Variants in UNC5D observed in about 807,000 individuals in gnomAD.
UNC5D encodes the protein netrin receptor UNC5D.
A neutral mutation model predicts 105.4 loss-of-function variants in UNC5D; 39 were observed. The observed-to-expected ratio is 0.37, with a 90% CI of 0.29 to 0.48. The LOEUF (loss-of-function observed/expected upper bound fraction) is 0.48, where lower values mean the gene tolerates loss of function less well. Ranked by LOEUF, UNC5D falls within the 20% of genes least tolerant of loss-of-function variation. UNC5D has a pLI of 0.98. For synonymous variants in UNC5D, 452 were observed against 450.4 expected (o/e 1.00, Z -0.04); for missense variants, 991 against 1,202.4 (o/e 0.82, Z 2.60).
chr8:35,753,802 ACTTTT>A (rs1830395004), intron 13 of UNC5D, among the ~76,000 whole-genome samples: 1 of 152,170 alleles, frequency 6.6e-6, no homozygotes, highest in South Asian at 2.1e-4. Context: ...TGCTTGAATA[ACTTTT>A]CTGGCCCACA....
At chr8:35,677,440 T>C (rs556906812) in intron 4 of UNC5D, among the ~76,000 whole-genome samples, 21 of 152,152 alleles carry the variant, frequency 1.4e-4, no homozygotes, top group South Asian at 8.3e-4. Context: ...CCCAGGAACA[T>C]TGGAGTTTGC....
chr8:35,331,135 A>C (rs1454215327), intron 1 of UNC5D, among the ~76,000 whole-genome samples: 1 of 152,166 alleles, frequency 6.6e-6, no homozygotes, highest in Non-Finnish European at 1.5e-5. Flanking sequence ...AGACAGGAAA[A>C]AGAGGAAGAT....
intron 3 of UNC5D, among the ~76,000 whole-genome samples, chr8:35,577,088 T>A (rs916759530): frequency 3.3e-5 from 5 of 152,204 alleles, no homozygotes; most frequent in African/African-American, 1.2e-4. Context: ...GAAAATTAAA[T>A]TTTTTTCAGA....
intron 1 of UNC5D, among the ~76,000 whole-genome samples, chr8:35,364,284 G>C (rs1348969867): frequency 6.6e-6 from 1 of 152,004 alleles, no homozygotes; most frequent in Non-Finnish European, 1.5e-5. Context: ...ATTAGCATGA[G>C]CTCATGGATT....
chr8:35,701,852 C>T (rs1457058416), intron 7 of UNC5D, among the ~76,000 whole-genome samples: 2 of 150,176 alleles, frequency 1.3e-5, no homozygotes, highest in African/African-American at 2.4e-5. Context: ...GTGGTTATCC[C>T]TTGGTGCTGG....
intron 1 of UNC5D, among the ~76,000 whole-genome samples, chr8:35,511,839 T>G (rs1353969318): frequency 6.6e-6 from 1 of 152,100 alleles, no homozygotes; most frequent in East Asian, 1.9e-4. Flanking sequence ...ATGGAGTAGG[T>G]TGGATGTGCT....
intron 1 of UNC5D, among the ~76,000 whole-genome samples, chr8:35,526,699 A>G (rs889548913): frequency 1.3e-5 from 2 of 152,100 alleles, no homozygotes; most frequent in African/African-American, 4.8e-5. Flanking sequence ...ATTTTCTGCC[A>G]TCTAAGAAAT....
chr8:35,260,897 A>G (rs1804445244), intron 1 of UNC5D, among the ~76,000 whole-genome samples: 1 of 152,184 alleles, frequency 6.6e-6, no homozygotes, highest in African/African-American at 2.4e-5. Flanking sequence ...GGTTCCAAGA[A>G]GGCACTCAGG....
chr8:35,612,519 C>T (rs1278227418), intron 4 of UNC5D, among the ~76,000 whole-genome samples: 2 of 152,004 alleles, frequency 1.3e-5, no homozygotes. Flanking sequence ...CTTAGCAGCT[C>T]ACTACTTCTT....
intron 2 of UNC5D, among the ~76,000 whole-genome samples, chr8:35,552,821 C>T (rs748189836): frequency 5.3e-5 from 8 of 152,034 alleles, no homozygotes; most frequent in Non-Finnish European, 8.8e-5. Flanking sequence ...GTCTCACTTA[C>T]GTTGACATTA....
chr8:35,403,476 G>T (rs960225888), intron 1 of UNC5D, among the ~76,000 whole-genome samples: 1 of 152,242 alleles, frequency 6.6e-6, no homozygotes, highest in Non-Finnish European at 1.5e-5. Context: ...TAAAATGGAA[G>T]AAAGTGCAAA....
At chr8:35,615,627 AT>A (rs1256683315) in intron 4 of UNC5D, among the ~76,000 whole-genome samples, 2 of 151,970 alleles carry the variant, frequency 1.3e-5, no homozygotes, top group Admixed American at 1.3e-4. Context: ...TAAGGACAGC[AT>A]TTTTTTCCCT....
At chr8:35,600,504 G>A (rs548460520) in intron 4 of UNC5D, among the ~76,000 whole-genome samples, 25 of 152,280 alleles carry the variant, frequency 1.6e-4, no homozygotes, top group African/African-American at 3.9e-4. Flanking sequence ...TCTAACTGGC[G>A]TGAGATTCTA....
intron 2 of UNC5D, among the ~76,000 whole-genome samples, chr8:35,564,716 C>A (rs1817209217): frequency 6.6e-6 from 1 of 152,082 alleles, no homozygotes; most frequent in Non-Finnish European, 1.5e-5. Context: ...ACATTGTACC[C>A]CATAAGTAGT....
At chr8:35,481,648 G>A (rs1810491451) in intron 1 of UNC5D, among the ~76,000 whole-genome samples, 2 of 152,244 alleles carry the variant, frequency 1.3e-5, no homozygotes, top group East Asian at 1.9e-4. Context: ...CTCTTAAAAG[G>A]TGTAAAATTG....
At chr8:35,781,344 T>G (rs1000497737) in intron 16 of UNC5D, among the ~76,000 whole-genome samples, 2 of 152,188 alleles carry the variant, frequency 1.3e-5, no homozygotes, top group African/African-American at 2.4e-5. Context: ...GAAAATAAGC[T>G]TTTTATGTTC....
At chr8:35,728,095 A>AATATATATATAT (rs1554596595) in intron 10 of UNC5D, among the ~76,000 whole-genome samples, 20 of 110,336 alleles carry the variant, frequency 1.8e-4, no homozygotes, top group African/African-American at 1.0e-3. Flanking sequence ...AAAAAAAAAA[A>AATATATATATAT]ATATATATAT....
chr8:35,504,804 G>C (rs1812201404), intron 1 of UNC5D, among the ~76,000 whole-genome samples: 1 of 152,092 alleles, frequency 6.6e-6, no homozygotes, highest in Non-Finnish European at 1.5e-5. Context: ...TCTGTTCATG[G>C]TGGTTCTAGA....
chr8:35,775,222 G>A (rs186225365), intron 16 of UNC5D, among the ~76,000 whole-genome samples: 6 of 152,196 alleles, frequency 3.9e-5, no homozygotes, highest in Admixed American at 2.6e-4. Flanking sequence ...TTGATTGCCT[G>A]AATAGGAAAA....
Sources: allele counts gnomAD v4.1 joint callset (sites outside exome capture counted in the v4.1 genomes callset), GRCh38; gene constraint gnomAD v4.1.1; transcripts MANE v1.5; gene names NCBI Gene and HGNC (gene_info 2026-07-23, HGNC 2026-07-21).